KIAA1549: variants seen among roughly 807,000 people sequenced by gnomAD.
KIAA1549 encodes the protein KIAA1549.
KIAA1549 carries 70 observed loss-of-function variants against 156.4 expected under a neutral mutation model. The observed-to-expected ratio is 0.45, with a 90% CI of 0.37 to 0.55. KIAA1549 has a LOEUF of 0.55. KIAA1549 is among the 20% of genes least tolerant of loss of function. KIAA1549 has a pLI of 0.00. For synonymous variants in KIAA1549, 1,103 were observed against 1,066.4 expected (o/e 1.03, Z -0.67); for missense variants, 2,428 against 2,540.9 (o/e 0.96, Z 0.96).
chr7:138,851,903 C>T (rs569290437), intron 17 of KIAA1549, among the ~76,000 whole-genome samples: 2 of 152,182 alleles, frequency 1.3e-5, no homozygotes, highest in East Asian at 3.8e-4. Context: ...AGAAGCAGGG[C>T]TCATGCCTCT....
At position 138,893,963 on chromosome 7, in the gene KIAA1549, C is replaced by T. The variant is rs376430977; in HGVS notation, c.4032+379G>A. ...GCACACGCCTGTAATCTCAGCTATT[C>T]GGAGACCGAGGCAGGAGAATCGCTT... On this transcript the variant is annotated intron_variant, in intron 10 of 19. Coordinates refer to ENST00000422774, the MANE Select transcript of KIAA1549 (RefSeq NM_001164665.2). 2.6e-5 allele frequency among the ~76,000 whole-genome samples: 4 copies of T among 152,284 alleles called. No homozygotes were observed. The South Asian group carries it at 6.2e-4, about 24-fold the overall frequency.
chr7:138,844,400 G>C lies in KIAA1549; in HGVS notation c.5369C>G (p.Ala1790Gly). 1 of 1,607,154 alleles carries C rather than the reference G, an allele frequency of 6.2e-7. No individual in the cohort carries two copies. Among genetic ancestry groups the C allele is most frequent in the Non-Finnish European group, 8.5e-7 (1 of 1,176,344 alleles). ...PPDPQQPQAS[A>G]EAPFAARGIY... Reference sequence around the variant, plus strand: ...CCCTCTGGCAGCAAATGGGGCTTCGGCGGAGGCCTGTGGCTGCTGAGGGTC... The same window carrying C: ...CCCTCTGGCAGCAAATGGGGCTTCGCCGGAGGCCTGTGGCTGCTGAGGGTC... Residue 1790 changes from alanine (A) to glycine (G), a missense_variant, in exon 18 of 20, where the codon GCC becomes GGC. This residue lies in a region of KIAA1549 where 363 missense variants were observed against 354.0 expected (regional missense o/e 1.03). Coordinates refer to ENST00000422774, the MANE Select transcript of KIAA1549 (RefSeq NM_001164665.2).
intron 15 of KIAA1549, among the ~76,000 whole-genome samples, chr7:138,867,210 A>G (rs527650669): frequency 7.9e-5 from 12 of 152,274 alleles, no homozygotes; most frequent in African/African-American, 2.9e-4. Context: ...AACCCTAAAT[A>G]TCCCTCCTCT....
At chr7:138,863,316 TA>T (rs1810642926) in intron 15 of KIAA1549, among the ~76,000 whole-genome samples, 1 of 151,696 alleles carries the variant, frequency 6.6e-6, no homozygotes, top group Non-Finnish European at 1.5e-5. Flanking sequence ...TCACCATACT[TA>T]AAGGGGCCAA....
At chr7:138,839,325 C>G (rs531686467) in intron 19 of KIAA1549, among the ~76,000 whole-genome samples, 211 of 152,166 alleles carry the variant, frequency 1.4e-3, no homozygotes, top group Admixed American at 3.5e-3. Flanking sequence ...TTTATCCCCC[C>G]AAGATATACA....
At chr7:138,970,309 A>T (rs1381980907) in intron 1 of KIAA1549, among the ~76,000 whole-genome samples, 1 of 152,118 alleles carries the variant, frequency 6.6e-6, no homozygotes, top group Non-Finnish European at 1.5e-5. Context: ...ACACCTGCTG[A>T]CACCAGCTCA....
At chr7:138,946,393 A>G (rs1813337847) in intron 1 of KIAA1549, among the ~76,000 whole-genome samples, 4 of 152,138 alleles carry the variant, frequency 2.6e-5, no homozygotes, top group Admixed American at 2.6e-4. Flanking sequence ...AAACCACTCT[A>G]CTGTCGTGGT....
At position 138,832,190 on chromosome 7, in the gene KIAA1549, C is replaced by CTTTTTT. The variant is rs1563039449; in HGVS notation, c.*5715_*5716insAAAAAA. 8.3e-4 allele frequency: 141 copies of CTTTTTT among 169,952 alleles called. 4 individuals are homozygous for CTTTTTT. Among genetic ancestry groups the CTTTTTT allele is most frequent in the African/African-American group, 2.9e-3 (87 of 30,126 alleles). 10.5% of individuals were successfully genotyped at this position (169,952 alleles called of 1,614,324 possible). A position where few individuals can be genotyped will look rare whatever the true frequency, so the allele number is the denominator to read the frequency against. On this transcript the variant is annotated 3_prime_UTR_variant, in exon 20 of 20. Transcript: ENST00000422774. ...TTCACCTCTGTCCCTTTTACCTATT[C>CTTTTTT]CTTTTTTTTTTTTTTTTTTTTCCAG...
intron 9 of KIAA1549, 111 bp downstream of exon 9, chr7:138,898,844 C>A: frequency 2.2e-6 from 2 of 890,034 alleles, no homozygotes; most frequent in Non-Finnish European, 3.6e-6. Flanking sequence ...ACTTCACCAT[C>A]AGGGTTATAC....
At chr7:138,940,228 T>C (rs1182091512) in intron 1 of KIAA1549, among the ~76,000 whole-genome samples, 2 of 151,062 alleles carry the variant, frequency 1.3e-5, no homozygotes, top group South Asian at 2.1e-4. Flanking sequence ...TGTGTTCTCA[T>C]TGTTCAATTC....
intron 10 of KIAA1549, among the ~76,000 whole-genome samples, chr7:138,892,403 C>A (rs1479102450): frequency 6.6e-6 from 1 of 152,222 alleles, no homozygotes; most frequent in Non-Finnish European, 1.5e-5. Flanking sequence ...CTGGTTAACT[C>A]CCTCTGTAAC....
chr7:138,946,734 A>C, intron 1 of KIAA1549, among the ~76,000 whole-genome samples: 1 of 152,114 alleles, frequency 6.6e-6, no homozygotes, highest in East Asian at 1.9e-4. Flanking sequence ...AGCCGAGATC[A>C]CGCCACTGGA....
chr7:138,957,824 G>T (rs1027055079), intron 1 of KIAA1549, among the ~76,000 whole-genome samples: 1 of 152,044 alleles, frequency 6.6e-6, no homozygotes, highest in Non-Finnish European at 1.5e-5. Flanking sequence ...GTATCCCAGG[G>T]TCACTTGCTG....
chr7:138,942,928 C>G (rs1015001159), intron 1 of KIAA1549, among the ~76,000 whole-genome samples: 4 of 150,594 alleles, frequency 2.7e-5, no homozygotes, highest in Non-Finnish European at 5.9e-5. Flanking sequence ...AAAAAGTAAG[C>G]TGGAGGTTGG....
chr7:138,930,884 C>A (rs1812848988), intron 1 of KIAA1549, among the ~76,000 whole-genome samples: 1 of 152,218 alleles, frequency 6.6e-6, no homozygotes, highest in Admixed American at 6.5e-5. Context: ...AGCTTTCAGG[C>A]TCCCTTGGCT....
At chr7:138,844,930 C>T (rs1312495091) in intron 17 of KIAA1549, among the ~76,000 whole-genome samples, 4 of 151,626 alleles carry the variant, frequency 2.6e-5, no homozygotes, top group Non-Finnish European at 5.9e-5. Flanking sequence ...AGTGCAGTGG[C>T]GCAATCTTGG....
At chr7:138,861,550 G>T in intron 15 of KIAA1549, 94 bp from the exon 16 acceptor site, 1 of 1,047,930 alleles carries the variant, frequency 9.5e-7, no homozygotes, top group Non-Finnish European at 1.4e-6. Context: ...TCTATCATAA[G>T]AATTAAAAAA....
At chr7:138,869,836 C>G in intron 13 of KIAA1549, 75 bp from the exon 14 acceptor site, 1 of 989,038 alleles carries the variant, frequency 1.0e-6, no homozygotes, top group Non-Finnish European at 1.5e-6. Context: ...TTCGCAAAGT[C>G]TTTATTTATT....
chr7:138,854,868 A>G (rs990643001), intron 16 of KIAA1549, among the ~76,000 whole-genome samples: 2 of 152,220 alleles, frequency 1.3e-5, no homozygotes, highest in South Asian at 4.1e-4. Context: ...CAAATAAGAG[A>G]AATAACAACA....
Sources: gnomAD v4.1 joint callset for allele counts (sites outside exome capture counted in the v4.1 genomes callset) on GRCh38, gnomAD v4.1.1 for gene constraint, gnomAD v4.1.1 regional missense constraint, MANE v1.5 for transcripts, NCBI Gene and HGNC (gene_info 2026-07-23, HGNC 2026-07-21) for gene names.